Variants in AIFM2 observed in about 807,000 individuals in gnomAD.
The protein encoded by AIFM2 is AIF family member 2, ferroptosis suppressor.
Under a neutral mutation model 35.7 loss-of-function variants are expected in AIFM2, and 38 were observed. The observed-to-expected ratio is 1.06, with a 90% confidence interval of 0.82 to 1.39. The LOEUF (loss-of-function observed/expected upper bound fraction) is 1.39, where lower values mean the gene tolerates loss of function less well. Among genes scored for constraint, AIFM2 ranks in the 40% most tolerant of loss-of-function variants. The pLI, the probability that AIFM2 is intolerant of heterozygous loss-of-function variation, is 0.00. For synonymous variants in AIFM2, 185 were observed against 203.5 expected, an observed-to-expected ratio of 0.91 and a Z score of 0.77; for missense variants, 476 against 491.2, an observed-to-expected ratio of 0.97 and a Z score of 0.29.
At chr10:70,123,311 C>A (rs1413569196) in intron 3 of AIFM2, 94 bp downstream of exon 3, 2 of 1,112,920 alleles carry the variant, frequency 1.8e-6, no homozygotes, top group East Asian at 4.8e-5. Flanking sequence ...GAGCCACCGC[C>A]CCCAGCCTAG....
intron 1 of AIFM2, among the ~76,000 whole-genome samples, chr10:70,125,508 A>C (rs903894650): frequency 1.0e-4 from 15 of 147,974 alleles, no homozygotes; most frequent in African/African-American, 3.7e-4. Flanking sequence ...GGCCCCGCTA[A>C]TTGGGAGGCC....
intron 1 of AIFM2, among the ~76,000 whole-genome samples, chr10:70,127,292 G>A (rs983767376): frequency 1.6e-4 from 24 of 152,208 alleles, no homozygotes; most frequent in African/African-American, 3.6e-4. Context: ...GAGGGGCTAC[G>A]CAGCTGGCCG....
intron 5 of AIFM2, among the ~76,000 whole-genome samples, chr10:70,120,247 A>G (rs545725225): frequency 6.6e-6 from 1 of 152,382 alleles, no homozygotes; most frequent in South Asian, 2.1e-4. Context: ...TGATCCTCCA[A>G]GTTGGAGCAG....
Position 70,114,070 on chromosome 10 carries a change from C to A in AIFM2, c.*108G>T. On this transcript the variant is annotated 3_prime_UTR_variant, in exon 9 of 9. Coordinates refer to ENST00000307864, the MANE Select transcript of AIFM2 (RefSeq NM_032797.6). ...TTTCTAGCCACCACATCATTGGCAT[C>A]TTATTCCAGAAGAATAGCATTAGTT... The A allele has an allele frequency of 7.2e-7, 1 of 1,389,472 alleles. No individual in the cohort carries two copies. Among genetic ancestry groups the A allele is most frequent in the Non-Finnish European group, 9.6e-7 (1 of 1,041,170 alleles). The allele number at this position is 1,389,472 out of a possible 1,614,324, so 86.1% of individuals were successfully genotyped here. A position where few individuals can be genotyped will look rare whatever the true frequency, so the allele number is the denominator to read the frequency against.
At chr10:70,128,056 GA>G (rs1238208302) in intron 1 of AIFM2, among the ~76,000 whole-genome samples, 1 of 152,206 alleles carries the variant, frequency 6.6e-6, no homozygotes, top group African/African-American at 2.4e-5. Context: ...CCTGGCCCCA[GA>G]AAACAGTGAA....
At chr10:70,126,480 C>T (rs1445074595) in intron 1 of AIFM2, among the ~76,000 whole-genome samples, 5 of 152,172 alleles carry the variant, frequency 3.3e-5, no homozygotes, top group African/African-American at 7.2e-5. Context: ...ACCCTCAGGC[C>T]GCTGGAAGGC....
At position 70,131,554 on chromosome 10, in the gene AIFM2, G is replaced by A. The variant is rs1397779893; in HGVS notation, c.-14+1180C>T. Among the ~76,000 whole-genome samples the A allele has an allele frequency of 1.3e-5, 2 of 152,180 alleles. No homozygotes were observed. Among genetic ancestry groups the A allele is most frequent in the African/African-American group, 2.4e-5 (1 of 41,434 alleles). On this transcript the variant is annotated intron_variant, in intron 1 of 8. Coordinates refer to ENST00000307864, the MANE Select transcript of AIFM2 (RefSeq NM_032797.6). This position sits in a 1 kb window ranked among gnomAD's most constrained non-coding sequence, Gnocchi z 4.1. ...TCATCTGGATGTCATATTCACTCCC[G>A]CACAGAAAACCTAGGCCAAGCAATT...
At chr10:70,115,205 C>T (rs1398429399) in intron 7 of AIFM2, 85 bp from the exon 8 acceptor site, 2 of 1,436,178 alleles carry the variant, frequency 1.4e-6, no homozygotes, top group African/African-American at 2.8e-5. Flanking sequence ...GAGCTCTAGA[C>T]ACTGGTCAAT....
At chr10:70,115,187 G>A in intron 7 of AIFM2, 67 bp from the exon 8 acceptor site, 2 of 1,536,724 alleles carry the variant, frequency 1.3e-6, no homozygotes, top group Non-Finnish European at 1.8e-6. Context: ...CCAGGAGGAG[G>A]AGAGGGCGAG....
At position 70,123,839 on chromosome 10, in the gene AIFM2, T is replaced by G. The variant is rs1564553631; in HGVS notation, c.178+68A>C. ...AAATGGAGAAAACCACCCCCAGCCC[T>G]AAAATCAAGCCCCAGAGCAGAGACA... is the stretch of plus-strand genomic sequence containing the variant. On this transcript the variant is annotated intron_variant, in intron 2 of 8. Coordinates refer to ENST00000307864, the MANE Select transcript of AIFM2 (RefSeq NM_032797.6). The G allele has an allele frequency of 2.8e-6, 4 of 1,445,876 alleles. No homozygotes were observed. In the East Asian group the frequency reaches 9.8e-5, roughly 36 times the overall value. The allele number at this position is 1,445,876 out of a possible 1,614,324, so 89.6% of individuals were successfully genotyped here.
intron 1 of AIFM2, among the ~76,000 whole-genome samples, chr10:70,125,418 T>C (rs1175880543): frequency 5.5e-5 from 6 of 108,508 alleles, no homozygotes; most frequent in Admixed American, 1.2e-4. Context: ...CTGGGTAACA[T>C]AGAGAGACTC....
chr10:70,130,013 A>AG (rs2072611662), intron 1 of AIFM2, among the ~76,000 whole-genome samples: 1 of 152,056 alleles, frequency 6.6e-6, no homozygotes, highest in Non-Finnish European at 1.5e-5. Context: ...GTGAAACCCC[A>AG]TCTCTACAAA....
chr10:70,115,992 C>T (rs2072431501), intron 7 of AIFM2, among the ~76,000 whole-genome samples: 2 of 152,084 alleles, frequency 1.3e-5, no homozygotes, highest in Admixed American at 6.6e-5. Flanking sequence ...ATCATTACTT[C>T]CTGCTGGACA....
intron 8 of AIFM2, chr10:70,114,716 T>C: frequency 3.2e-6 from 2 of 618,546 alleles, no homozygotes; most frequent in South Asian, 2.0e-5. Flanking sequence ...TCAGGTGATC[T>C]GCCCGCCTCG....
chr10:70,113,530 TAA>T lies in AIFM2; in HGVS notation c.*646_*647del, dbSNP rs1347497625. ...TGACAGGGCGAGACTGTCTCAAAAATAAATAAACAAACAAACAAATAAAGTGG... is the reference window on the plus strand; with the variant it reads ...TGACAGGGCGAGACTGTCTCAAAAATATAAACAAACAAACAAATAAAGTGG... On this transcript the variant is annotated 3_prime_UTR_variant, in exon 9 of 9. Transcript: ENST00000307864. 1.3e-5 allele frequency: 2 copies of T among 151,918 alleles called. No individual in the cohort carries two copies. The highest frequency in any genetic ancestry group is 2.4e-5 in the African/African-American group (1 of 41,328). 9.4% of individuals were successfully genotyped at this position (151,918 alleles called of 1,614,324 possible).
Position 70,114,002 on chromosome 10 carries a change from T to G in AIFM2, c.*176A>C. ...AGTATCCTCTAAGGGGGGTATTTGT[T>G]TAATACCTCTCTCTCTCCCATTTTT... is the stretch of plus-strand genomic sequence containing the variant. On this transcript the variant is annotated 3_prime_UTR_variant, in exon 9 of 9. Transcript: ENST00000307864. 1 of 800,576 alleles carries G rather than the reference T, an allele frequency of 1.2e-6. No individual in the cohort carries two copies. The highest frequency in any genetic ancestry group is 1.9e-6 in the Non-Finnish European group (1 of 528,928). The allele number at this position is 800,576 out of a possible 1,614,324, so 49.6% of individuals were successfully genotyped here.
chr10:70,127,948 TGACTCTCCAGCA>T (rs1172579177), intron 1 of AIFM2, among the ~76,000 whole-genome samples: 3 of 152,236 alleles, frequency 2.0e-5, no homozygotes, highest in Admixed American at 6.5e-5. Context: ...GGGAGGCCAG[TGACTCTCCAGCA>T]GATTTCACCC....
At chr10:70,124,140 T>G in intron 1 of AIFM2, 43 bp from the exon 2 acceptor site, 2 of 1,346,006 alleles carry the variant, frequency 1.5e-6, no homozygotes, top group South Asian at 3.8e-5. Flanking sequence ...TCAGGGAGGC[T>G]GGGAGGGCTG....
rs779017663 is a variant in AIFM2, at chr10:70,121,084, C to G, written c.414+8G>C. 1.4e-5 allele frequency: 23 copies of G among 1,609,424 alleles called. No individual in the cohort carries two copies. In the East Asian group the frequency reaches 3.6e-4, roughly 25 times the overall value. On this transcript the variant is annotated splice_region_variant and intron_variant, in intron 4 of 8. Transcript: ENST00000307864. Reference sequence around the variant, plus strand: ...CACACTGCCCCATGCCTTCAGTGCACAGCTCACCTGCCTCACCATGTCCTC... The same window carrying G: ...CACACTGCCCCATGCCTTCAGTGCAGAGCTCACCTGCCTCACCATGTCCTC...
Sources: gnomAD v4.1 joint callset for allele counts (sites outside exome capture counted in the v4.1 genomes callset) on GRCh38, gnomAD v4.1.1 for gene constraint, Gnocchi (gnomAD v3.1) non-coding constraint, MANE v1.5 for transcripts, NCBI Gene and HGNC (gene_info 2026-07-23, HGNC 2026-07-21) for gene names.